The following PRSS2 variants were observed in gnomAD, a reference collection of about 807,000 sequenced individuals.
PRSS2 encodes the protein serine protease 2.
PRSS2 carries 19 observed loss-of-function variants against 19.2 expected under a neutral mutation model. The ratio of observed to expected loss-of-function variants is 0.99; its 90% confidence interval spans 0.69 to 1.45. The LOEUF (loss-of-function observed/expected upper bound fraction) is 1.45. PRSS2 is among the 40% of genes most tolerant of loss of function. The pLI is 0.00. For synonymous variants in PRSS2, 107 were observed against 117.5 expected (o/e 0.91, Z 0.58); for missense variants, 288 against 294.4 (o/e 0.98, Z 0.16).
intron 3 of PRSS2, among the ~76,000 whole-genome samples, 158 bp downstream of exon 3, chr7:142,773,677 C>T (rs1554506816): frequency 1.3e-5 from 2 of 152,370 alleles, no homozygotes; most frequent in South Asian, 4.1e-4. Flanking sequence ...GATGCAAATT[C>T]TCAAGGATGT....
intron 4 of PRSS2, 118 bp downstream of exon 4, chr7:142,774,173 A>T: frequency 7.7e-7 from 1 of 1,291,474 alleles, no homozygotes; most frequent in Non-Finnish European, 1.1e-6. Flanking sequence ...CCCCATGGAG[A>T]AGTGAGGAAG....
At chr7:142,773,065 AC>A (rs1424819473) in intron 2 of PRSS2, among the ~76,000 whole-genome samples, 200 bp from the exon 3 acceptor site, 1 of 151,946 alleles carries the variant, frequency 6.6e-6, no homozygotes, top group South Asian at 2.1e-4. Flanking sequence ...CTCCACTACC[AC>A]CAACCTCTGA....
In PRSS2 at chr7:142,772,389, C is replaced by A; in HGVS notation, c.200+181C>A. 5 of 965,468 alleles carry A rather than the reference C, an allele frequency of 5.2e-6. No homozygotes were observed. The South Asian group carries it at 7.0e-5, about 13-fold the overall frequency. 59.8% of individuals were successfully genotyped at this position (965,468 alleles called of 1,614,324 possible). On this transcript the variant is annotated intron_variant, in intron 2 of 4. Coordinates refer to ENST00000539842, the MANE Select transcript of PRSS2 (RefSeq NM_002770.4). ...GAACACAAGACAGGAAGCCCTCACACCCAGGCAAATCCATGAAACAGCAAG... is the reference window on the plus strand; with the variant it reads ...GAACACAAGACAGGAAGCCCTCACAACCAGGCAAATCCATGAAACAGCAAG...
At position 142,772,215 on chromosome 7, in the gene PRSS2, G is replaced by T; in HGVS notation, c.200+7G>T. 2 of 1,613,690 alleles carry T rather than the reference G, an allele frequency of 1.2e-6. No homozygotes were observed. Among genetic ancestry groups the T allele is most frequent in the Non-Finnish European group, 1.7e-6 (2 of 1,179,646 alleles). On this transcript the variant is annotated splice_region_variant and intron_variant, in intron 2 of 4. Coordinates refer to ENST00000539842, the MANE Select transcript of PRSS2 (RefSeq NM_002770.4). Reference sequence around the variant, plus strand: ...CAGGTCACTGCTACAAGTCGTAAGTGTGGGGCCCCTGACTGCAAAACTCCC... The same window carrying T: ...CAGGTCACTGCTACAAGTCGTAAGTTTGGGGCCCCTGACTGCAAAACTCCC...
chr7:142,771,611 G>A (rs1366469802), intron 1 of PRSS2, among the ~76,000 whole-genome samples: 1 of 152,032 alleles, frequency 6.6e-6, no homozygotes, highest in African/African-American at 2.4e-5. Context: ...TTGAGCTGAG[G>A]GGGAAACTGG....
chr7:142,772,498 G>T (rs1563286145), intron 2 of PRSS2: 2 of 695,804 alleles, frequency 2.9e-6, no homozygotes, highest in South Asian at 3.0e-5. Context: ...TTGCTGGTTA[G>T]CTACACATTA....
At position 142,773,951 on chromosome 7, in the gene PRSS2, G is replaced by A. The variant is rs941419322; in HGVS notation, c.487G>A (p.Ala163Thr). 4.2e-5 allele frequency: 68 copies of A among 1,613,162 alleles called. No homozygotes were observed. Among genetic ancestry groups the A allele is most frequent in the Non-Finnish European group, 5.6e-5 (66 of 1,179,202 alleles). ...CCCAGACGAGCTGCAGTGCCTGGAT[G>A]CTCCTGTGCTGAGCCAGGCTGAGTG... The part of the protein sequence containing the change: ...DYPDELQCLD[A>T]PVLSQAECEA... The change falls in exon 4 of 5, where the codon GCT (alanine) becomes ACT (threonine). Residue 163 changes from alanine to threonine, a missense_variant. Coordinates refer to ENST00000539842, the MANE Select transcript of PRSS2 (RefSeq NM_002770.4).
Position 142,772,209 on chromosome 7 carries a change from G to GT in PRSS2, c.200+2dup, listed in dbSNP as rs759078640. 2 of 1,212,904 alleles carry GT rather than the reference G, an allele frequency of 1.6e-6. No individual in the cohort carries two copies. The highest frequency in any genetic ancestry group is 1.1e-6 in the Non-Finnish European group (1 of 929,782). 75.1% of individuals were successfully genotyped at this position (1,212,904 alleles called of 1,614,324 possible). A position where few individuals can be genotyped will look rare whatever the true frequency, so the allele number is the denominator to read the frequency against. On this transcript the variant is annotated splice_donor_variant, in intron 2 of 4. Transcript: ENST00000539842. LOFTEE classifies it high-confidence loss of function. ...TGTCAGCAGGTCACTGCTACAAGTC[G>GT]TAAGTGTGGGGCCCCTGACTGCAAA... is the stretch of plus-strand genomic sequence containing the variant.
Position 142,772,165 on chromosome 7 carries a change from A to C in PRSS2, c.157A>C (p.Ile53Leu), listed in dbSNP as rs766020264. 27 of 1,613,732 alleles carry C rather than the reference A, an allele frequency of 1.7e-5. No individual in the cohort carries two copies. Among genetic ancestry groups the C allele is most frequent in the African/African-American group, 4.0e-5 (3 of 74,932 alleles). ...SGYHFCGGSL[I>L]SEQWVVSAGH... Reference sequence around the variant, plus strand: ...CTACCACTTCTGCGGTGGCTCCCTCATCAGCGAACAGTGGGTGGTGTCAGC... The same window carrying C: ...CTACCACTTCTGCGGTGGCTCCCTCCTCAGCGAACAGTGGGTGGTGTCAGC... The change falls in exon 2 of 5, where the codon ATC (isoleucine) becomes CTC (leucine). Residue 53 changes from isoleucine (I) to leucine (L), a missense_variant. Ile to Leu is a conservative substitution (Grantham distance 5). Transcript: ENST00000539842.
chr7:142,772,245 A>T (rs1799983001), intron 2 of PRSS2, 37 bp downstream of exon 2: 1 of 1,610,456 alleles, frequency 6.2e-7, no homozygotes, highest in Admixed American at 1.7e-5. Context: ...ACTCCCAGCC[A>T]GGCTGCCTGG....
chr7:142,772,796 T>G (rs1800054177), intron 2 of PRSS2, among the ~76,000 whole-genome samples: 5 of 152,262 alleles, frequency 3.3e-5, no homozygotes, highest in African/African-American at 1.2e-4. Context: ...AACTTACATT[T>G]CTAACAAATT....
At position 142,774,530 on chromosome 7, in the gene PRSS2, C is replaced by T; in HGVS notation, c.*22C>T. On this transcript the variant is annotated 3_prime_UTR_variant, in exon 5 of 5. Transcript: ENST00000539842. The stretch of plus-strand genomic sequence containing the variant: ...CTAAAGCCCCTGGTCCCTCTGCAGT[C>T]TCTATACCAATAAAGTGACCCTGCT... The T allele has an allele frequency of 6.2e-7, 1 of 1,601,192 alleles. No homozygotes were observed. The highest frequency in any genetic ancestry group is 1.1e-5 in the South Asian group (1 of 90,606).
chr7:142,770,982 C>T lies in PRSS2; in HGVS notation c.-1C>T. The T allele has an allele frequency of 3.0e-6, 2 of 669,352 alleles. No individual in the cohort carries two copies. Among genetic ancestry groups the T allele is most frequent in the Middle Eastern group, 2.5e-4 (1 of 4,008 alleles). The allele number at this position is 669,352 out of a possible 1,614,324, so 41.5% of individuals were successfully genotyped here. On this transcript the variant is annotated 5_prime_UTR_variant, in exon 1 of 5. Transcript: ENST00000539842. ...CCAGCAATCAGGCACACTCTACCAC[C>T]ATGAATCTACTTCTGATCCTTACCT...
chr7:142,771,114 G>A, intron 1 of PRSS2, 92 bp downstream of exon 1: 1 of 461,474 alleles, frequency 2.2e-6, no homozygotes, highest in African/African-American at 2.6e-5. Context: ...TTTTGACTGT[G>A]CTGTGATATT....
intron 1 of PRSS2, among the ~76,000 whole-genome samples, chr7:142,771,391 T>C (rs1363352828): frequency 4.6e-5 from 7 of 152,180 alleles, no homozygotes; most frequent in Non-Finnish European, 1.0e-4. Context: ...AAATTACTCA[T>C]GCAAGACACT....
At chr7:142,771,987 G>A in intron 1 of PRSS2, 62 bp from the exon 2 acceptor site, 1 of 1,612,388 alleles carries the variant, frequency 6.2e-7, no homozygotes, top group Non-Finnish European at 8.5e-7. Context: ...GCAGCCACAG[G>A]CTGGGAGCGC....
At chr7:142,774,104 C>A in intron 4 of PRSS2, 49 bp downstream of exon 4, 3 of 1,546,942 alleles carry the variant, frequency 1.9e-6, no homozygotes, top group Non-Finnish European at 2.7e-6. Context: ...AACCAGGCCC[C>A]ACCAGGGAAA....
chr7:142,774,246 C>G (rs1205980621), intron 4 of PRSS2, 110 bp from the exon 5 acceptor site: 22 of 926,398 alleles, frequency 2.4e-5, no homozygotes, highest in Non-Finnish European at 3.6e-5. Context: ...GTGAGAAGGA[C>G]GTGGAGCCAC....
intron 2 of PRSS2, chr7:142,772,693 G>C (rs887408506): frequency 1.2e-5 from 7 of 572,792 alleles, no homozygotes; most frequent in Non-Finnish European, 2.1e-5. Flanking sequence ...TTAAACCTGA[G>C]TATGCATCAG....
Sources: allele counts gnomAD v4.1 joint callset (sites outside exome capture counted in the v4.1 genomes callset), GRCh38; gene constraint gnomAD v4.1.1; transcripts MANE v1.5; gene names NCBI Gene and HGNC (gene_info 2026-07-23, HGNC 2026-07-21).